RYR2: variants seen among roughly 807,000 people sequenced by gnomAD.
RYR2 encodes ryanodine receptor 2.
In RYR2, 227 loss-of-function variants were observed where a neutral mutation model predicts 601.1. The ratio of observed to expected loss-of-function variants is 0.38; its 90% confidence interval spans 0.34 to 0.42. The LOEUF is 0.42. Ranked by LOEUF, RYR2 falls within the 10% of genes least tolerant of loss-of-function variation. The pLI, the probability that RYR2 is intolerant of heterozygous loss-of-function variation, is 1.00. For synonymous variants in RYR2, 2,223 were observed against 2,175.1 expected, an observed-to-expected ratio of 1.02 and a Z score of -0.61; for missense variants, 4,646 against 6,156.5, an observed-to-expected ratio of 0.75 and a Z score of 8.21.
intron 1 of RYR2, among the ~76,000 whole-genome samples, chr1:237,217,009 A>G (rs1335920654): frequency 1.3e-5 from 2 of 152,164 alleles, no homozygotes; most frequent in Non-Finnish European, 2.9e-5. Flanking sequence ...ACATTACAGT[A>G]TTTAGTCCCG....
At chr1:237,454,091 T>A (rs1558845626) in intron 14 of RYR2, among the ~76,000 whole-genome samples, 1 of 152,170 alleles carries the variant, frequency 6.6e-6, no homozygotes, top group Non-Finnish European at 1.5e-5. Context: ...TGCTTTCCAA[T>A]GAAAATCAAC....
chr1:237,064,116 G>A (rs957523529), intron 1 of RYR2, among the ~76,000 whole-genome samples: 5 of 152,140 alleles, frequency 3.3e-5, no homozygotes, highest in South Asian at 4.2e-4. Context: ...TTGGGATTCC[G>A]ATGATAGATA....
At chr1:237,108,898 T>TG (rs1466546108) in intron 1 of RYR2, among the ~76,000 whole-genome samples, 1 of 152,228 alleles carries the variant, frequency 6.6e-6, no homozygotes, top group Non-Finnish European at 1.5e-5. Context: ...TAAGAGCAGC[T>TG]GGGTGTGTGA....
intron 1 of RYR2, among the ~76,000 whole-genome samples, chr1:237,221,057 C>G (rs982773785): frequency 2.0e-5 from 3 of 152,082 alleles, no homozygotes; most frequent in Non-Finnish European, 4.4e-5. Context: ...GATCGCGCCA[C>G]TGCACTCCAG....
chr1:237,796,356 T>C (rs1659221829), intron 96 of RYR2, among the ~76,000 whole-genome samples: 1 of 152,190 alleles, frequency 6.6e-6, no homozygotes, highest in Non-Finnish European at 1.5e-5. Flanking sequence ...ATCCTGTTCC[T>C]GGATTTCCCG....
intron 1 of RYR2, among the ~76,000 whole-genome samples, chr1:237,134,412 G>GT (rs1403223179): frequency 1.3e-5 from 2 of 152,156 alleles, no homozygotes; most frequent in Non-Finnish European, 2.9e-5. Flanking sequence ...CACAGTCATG[G>GT]CGGAAGAGCA....
intron 91 of RYR2, among the ~76,000 whole-genome samples, chr1:237,787,597 CA>C (rs778668137): frequency 0.21 from 12,851 of 60,344 alleles, 434 homozygotes; most frequent in African/African-American, 0.29. Flanking sequence ...GTCTCAAAAA[CA>C]AAAAAAAAAA....
At chr1:237,467,638 GT>G (rs1401766450) in intron 16 of RYR2, among the ~76,000 whole-genome samples, 1 of 152,164 alleles carries the variant, frequency 6.6e-6, no homozygotes, top group African/African-American at 2.4e-5. Context: ...TTCTCATGAA[GT>G]TGGCGTCTTT....
In RYR2 at chr1:237,649,976, A is replaced by G. The variant is rs752021659; in HGVS notation, c.7612A>G (p.Thr2538Ala). The G allele has an allele frequency of 6.2e-7, 1 of 1,614,014 alleles. No individual in the cohort carries two copies. Among genetic ancestry groups the G allele is most frequent in the Non-Finnish European group, 8.5e-7 (1 of 1,179,878 alleles). The change falls in exon 50 of 105, where the codon ACA becomes GCA. Residue 2538 changes from threonine to alanine, a missense_variant. By Grantham distance (58) the Thr-to-Ala change is moderately conservative. This residue lies in a region of RYR2 where 1,497 missense variants were observed against 1,842.6 expected (regional missense o/e 0.81). Coordinates refer to ENST00000366574, the MANE Select transcript of RYR2 (RefSeq NM_001035.3). ...AAGATGTGCTCCTCTCTTTGCTGGCACAGAGCACCACGCTTCTCTCATTGA... is the reference window on the plus strand; with the variant it reads ...AAGATGTGCTCCTCTCTTTGCTGGCGCAGAGCACCACGCTTCTCTCATTGA... ...LTRCAPLFAG[T>A]EHHASLIDSL...
chr1:237,802,014 G>A (rs2149420004), intron 98 of RYR2, 98 bp downstream of exon 98: 7 of 701,914 alleles, frequency 1.0e-5, no homozygotes, highest in South Asian at 3.4e-5. Context: ...AAAATGTTTC[G>A]AATACCAATT....
intron 1 of RYR2, among the ~76,000 whole-genome samples, chr1:237,115,276 T>G (rs564029183): frequency 9.7e-4 from 147 of 152,132 alleles, no homozygotes; most frequent in Admixed American, 1.8e-3. Flanking sequence ...GCCCCTGCTC[T>G]TGGGGCTGGA....
At chr1:237,398,769 A>G (rs936082831) in intron 10 of RYR2, among the ~76,000 whole-genome samples, 28 of 152,388 alleles carry the variant, frequency 1.8e-4, no homozygotes, top group African/African-American at 6.5e-4. Flanking sequence ...AACTGTGTTC[A>G]CACAAAAACT....
chr1:237,611,020 T>C, intron 36 of RYR2, 32 bp downstream of exon 36: 1 of 1,572,806 alleles, frequency 6.4e-7, no homozygotes, highest in Non-Finnish European at 8.7e-7. Flanking sequence ...ACATTCTGAT[T>C]GGGACGCTTG....
chr1:237,449,708 C>T (rs1370661971), intron 14 of RYR2, among the ~76,000 whole-genome samples: 1 of 151,416 alleles, frequency 6.6e-6, no homozygotes, highest in African/African-American at 2.4e-5. Flanking sequence ...GTGTTTTTTG[C>T]CTTCATTTTA....
At position 237,289,473 on chromosome 1, in the gene RYR2, G is replaced by A. The variant is rs188890375; in HGVS notation, c.168+18857G>A. 2.7e-3 allele frequency among the ~76,000 whole-genome samples: 406 copies of A among 152,306 alleles called. 2 individuals carry two copies. Among genetic ancestry groups the A allele is most frequent in the African/African-American group, 9.2e-3 (384 of 41,568 alleles). On this transcript the variant is annotated intron_variant, in intron 2 of 104. Coordinates refer to ENST00000366574, the MANE Select transcript of RYR2 (RefSeq NM_001035.3). ...GAAACTTAGAATCATAGCAGAAGGGGACGCAAACACGTCCTTCTTCACATG... is the reference window on the plus strand; with the variant it reads ...GAAACTTAGAATCATAGCAGAAGGGAACGCAAACACGTCCTTCTTCACATG...
intron 22 of RYR2, 126 bp downstream of exon 22, chr1:237,503,631 A>G: frequency 1.2e-6 from 1 of 814,298 alleles, no homozygotes; most frequent in South Asian, 1.7e-5. Flanking sequence ...GTTGACATGT[A>G]GGACTGAAAT....
intron 62 of RYR2, 70 bp from the exon 63 acceptor site, chr1:237,687,385 A>AT: frequency 3.3e-5 from 7 of 209,454 alleles, no homozygotes; most frequent in South Asian, 2.2e-4. Flanking sequence ...TTTTTTTTTT[A>AT]ATTTCCCCCT....
At chr1:237,127,281 T>C (rs1386451246) in intron 1 of RYR2, among the ~76,000 whole-genome samples, 1 of 152,042 alleles carries the variant, frequency 6.6e-6, no homozygotes, top group Non-Finnish European at 1.5e-5. Flanking sequence ...TCCTGGCCCG[T>C]TCTCAATGAG....
intron 1 of RYR2, among the ~76,000 whole-genome samples, chr1:237,200,528 G>T (rs953585157): frequency 6.6e-6 from 1 of 152,126 alleles, no homozygotes; most frequent in Admixed American, 6.5e-5. Context: ...GCCCTCCAAC[G>T]TGCTGGGATT....
Sources: gnomAD v4.1 joint callset for allele counts (sites outside exome capture counted in the v4.1 genomes callset) on GRCh38, gnomAD v4.1.1 for gene constraint, gnomAD v4.1.1 regional missense constraint, MANE v1.5 for transcripts, NCBI Gene and HGNC (gene_info 2026-07-23, HGNC 2026-07-21) for gene names.